NRXN3: variants seen among roughly 807,000 people sequenced by gnomAD.
NRXN3 encodes neurexin 3.
A neutral mutation model predicts 137.6 loss-of-function variants in NRXN3; 32 were observed. That is an observed-to-expected ratio of 0.23 (90% CI 0.18 to 0.31). The LOEUF (loss-of-function observed/expected upper bound fraction) is 0.31, where lower values mean the gene tolerates loss of function less well. Among genes scored for constraint, NRXN3 ranks in the 10% least tolerant of loss-of-function variants. NRXN3 has a pLI of 1.00. For synonymous variants in NRXN3, 798 were observed against 784.5 expected (o/e 1.02, Z -0.29); for missense variants, 1,574 against 2,062.5 (o/e 0.76, Z 4.59).
At position 79,754,537 on chromosome 14, in the gene NRXN3, T is replaced by G. The variant is rs1414897410; in HGVS notation, c.4015-50575T>G. On this transcript the variant is annotated intron_variant, in intron 19 of 20. Transcript: ENST00000335750. The stretch of plus-strand genomic sequence containing the variant: ...ATATATATATATATATATATATATA[T>G]ATATATATATATATATATATATATA... Among the ~76,000 whole-genome samples the G allele has an allele frequency of 4.3e-5, 4 of 93,178 alleles. 1 individual carries two copies. Among genetic ancestry groups the G allele is most frequent in the African/African-American group, 2.6e-4 (4 of 15,256 alleles). The allele number at this position is 93,178 out of a possible 152,430, so 61.1% of individuals were successfully genotyped here. A position where few individuals can be genotyped will look rare whatever the true frequency, so the allele number is the denominator to read the frequency against.
chr14:78,238,121 CAT>C (rs1416573466), intron 1 of NRXN3, among the ~76,000 whole-genome samples: 3 of 150,006 alleles, frequency 2.0e-5, no homozygotes, highest in African/African-American at 2.5e-5. Context: ...AAATAGCCCA[CAT>C]GTCAGAGTTG....
Position 78,645,355 on chromosome 14 carries a change from G to A in NRXN3, c.993G>A (p.Glu331=), listed in dbSNP as rs1372010650. 12 of 1,598,090 alleles carry A rather than the reference G, an allele frequency of 7.5e-6. No homozygotes were observed. Among genetic ancestry groups the A allele is most frequent in the Non-Finnish European group, 1.0e-5 (12 of 1,179,174 alleles). ...CCGGGGCCTTTGAGGCCATTGTGGA[G>A]CCAGTGAATGGAAAATTCAACGACA... ...LGSGAFEAIV[E]PVNGKFNDNA... is the part of the protein sequence containing the mutation. The change falls in exon 5 of 21, where the codon GAG becomes GAA. Residue 331 remains glutamate (E), a synonymous_variant. Coordinates refer to ENST00000335750, the MANE Select transcript of NRXN3 (RefSeq NM_001330195.2).
chr14:79,213,393 C>T (rs2067990438), intron 15 of NRXN3, among the ~76,000 whole-genome samples: 1 of 152,056 alleles, frequency 6.6e-6, no homozygotes, highest in Admixed American at 6.6e-5. Context: ...TTGTCATGCT[C>T]ATGAAATCAA....
intron 15 of NRXN3, among the ~76,000 whole-genome samples, chr14:79,443,111 C>A (rs890612568): frequency 6.6e-6 from 1 of 152,220 alleles, no homozygotes; most frequent in Non-Finnish European, 1.5e-5. Flanking sequence ...ATCTTCTATA[C>A]AGCTACAGTA....
At chr14:78,727,282 G>A (rs970971281) in intron 8 of NRXN3, among the ~76,000 whole-genome samples, 2 of 152,224 alleles carry the variant, frequency 1.3e-5, no homozygotes, top group African/African-American at 4.8e-5. Flanking sequence ...TCTTTGTGAA[G>A]CAGGCCATGC....
Position 79,274,359 on chromosome 14 carries a change from T to A in NRXN3, c.3263-192862T>A, listed in dbSNP as rs552441743. Among the ~76,000 whole-genome samples, 6 of 152,306 alleles carry A rather than the reference T, an allele frequency of 3.9e-5. No individual in the cohort carries two copies. In the South Asian group the frequency reaches 1.2e-3, roughly 32 times the overall value. ...AAAAAAATAAAAAGTATTCTCTAAATCTTTAATATTTTATCCTAGAAACAA... is the reference window on the plus strand; with the variant it reads ...AAAAAAATAAAAAGTATTCTCTAAAACTTTAATATTTTATCCTAGAAACAA... On this transcript the variant is annotated intron_variant, in intron 15 of 20. Coordinates refer to ENST00000335750, the MANE Select transcript of NRXN3 (RefSeq NM_001330195.2).
intron 8 of NRXN3, among the ~76,000 whole-genome samples, chr14:78,800,158 C>A (rs1440439073): frequency 6.6e-6 from 1 of 152,122 alleles, no homozygotes; most frequent in Admixed American, 6.5e-5. Flanking sequence ...TGCTTGGAAG[C>A]ATGGGTGTGC....
At chr14:78,992,689 A>G (rs2099521322) in intron 15 of NRXN3, among the ~76,000 whole-genome samples, 1 of 152,120 alleles carries the variant, frequency 6.6e-6, no homozygotes, top group Non-Finnish European at 1.5e-5. Context: ...ATTTTTATGG[A>G]CTTTGTGAAA....
In NRXN3 at chr14:79,252,302, C is replaced by G. The variant is rs552066575; in HGVS notation, c.3263-214919C>G. Among the ~76,000 whole-genome samples, 40 of 152,252 alleles carry G rather than the reference C, an allele frequency of 2.6e-4. No individual in the cohort carries two copies. The South Asian group carries it at 8.1e-3, about 31-fold the overall frequency. On this transcript the variant is annotated intron_variant, in intron 15 of 20. Coordinates refer to ENST00000335750, the MANE Select transcript of NRXN3 (RefSeq NM_001330195.2). ...ATAGAGGATCCTCCTCAAGAGAAAA[C>G]CTTTCAGACATATCAGCCTTACAAC...
intron 19 of NRXN3, among the ~76,000 whole-genome samples, chr14:79,726,037 G>T (rs1568022405): frequency 2.0e-5 from 3 of 152,052 alleles, no homozygotes. Flanking sequence ...ACACATTTTG[G>T]GAAGAAATTC....
At chr14:78,593,828 G>C (rs2097137141) in intron 4 of NRXN3, among the ~76,000 whole-genome samples, 1 of 152,100 alleles carries the variant, frequency 6.6e-6, no homozygotes, top group Non-Finnish European at 1.5e-5. Flanking sequence ...TTCTTCAAAG[G>C]GTGCTGAAAT....
chr14:78,852,652 T>C (rs1421071520), intron 10 of NRXN3, among the ~76,000 whole-genome samples: 2 of 152,220 alleles, frequency 1.3e-5, no homozygotes, highest in African/African-American at 4.8e-5. Flanking sequence ...CCCAAAACTC[T>C]TAAGTCAGGT....
chr14:78,238,232 G>A (rs754403309), intron 1 of NRXN3, among the ~76,000 whole-genome samples: 3 of 149,262 alleles, frequency 2.0e-5, no homozygotes, highest in Admixed American at 1.4e-4. Context: ...TGTGCCGTTC[G>A]ATAATTATGT....
chr14:79,462,882 A>ACACATATGTATATGTATATGTACATG (rs1397679204), intron 15 of NRXN3, among the ~76,000 whole-genome samples: 1 of 151,422 alleles, frequency 6.6e-6, no homozygotes, highest in Admixed American at 6.6e-5. Context: ...ATATGTACAT[A>ACACATATGTATATGTATATGTACATG]CACATATGTA....
intron 15 of NRXN3, chr14:79,279,201 G>A (rs919090339): frequency 3.8e-6 from 1 of 262,218 alleles, no homozygotes; most frequent in Non-Finnish European, 5.9e-6. Context: ...AGGCTCGCGC[G>A]GGTGTATACG....
At chr14:79,190,462 C>A (rs1048436496) in intron 15 of NRXN3, among the ~76,000 whole-genome samples, 6 of 152,114 alleles carry the variant, frequency 3.9e-5, no homozygotes, top group South Asian at 4.1e-4. Flanking sequence ...GCAGAATCAG[C>A]CACTGGTCAT....
chr14:78,961,050 A>G (rs1278450060), intron 11 of NRXN3, among the ~76,000 whole-genome samples: 1 of 127,380 alleles, frequency 7.9e-6, no homozygotes, highest in Non-Finnish European at 1.7e-5. Flanking sequence ...AACTTTTTTT[A>G]CTGAAGTATT....
chr14:78,380,761 T>G (rs2088923550), intron 4 of NRXN3, among the ~76,000 whole-genome samples: 1 of 150,268 alleles, frequency 6.7e-6, no homozygotes, highest in Non-Finnish European at 1.5e-5. Context: ...ATACACAGGT[T>G]GAACACAATT....
chr14:79,409,736 C>T (rs576143540), intron 15 of NRXN3, among the ~76,000 whole-genome samples: 4 of 150,502 alleles, frequency 2.7e-5, no homozygotes, highest in African/African-American at 7.3e-5. Flanking sequence ...GAGACATATT[C>T]ATGCCAATTC....
Sources: allele counts gnomAD v4.1 joint callset (sites outside exome capture counted in the v4.1 genomes callset), GRCh38; gene constraint gnomAD v4.1.1; transcripts MANE v1.5; gene names NCBI Gene and HGNC (gene_info 2026-07-23, HGNC 2026-07-21).